The following CALN1 variants were observed in gnomAD, a reference collection of about 807,000 sequenced individuals.
The protein encoded by CALN1 is calneuron 1.
CALN1 carries 17 observed loss-of-function variants against 30.6 expected under a neutral mutation model. The ratio of observed to expected loss-of-function variants is 0.56; its 90% CI spans 0.38 to 0.83. CALN1 has a LOEUF of 0.83. Ranked by LOEUF, CALN1 falls within the 40% of genes least tolerant of loss-of-function variation. The pLI is 0.00. For synonymous variants in CALN1, 156 were observed against 131.4 expected (o/e 1.19, Z -1.28); for missense variants, 291 against 354.9 (o/e 0.82, Z 1.45).
chr7:72,237,192 C>G (rs1794528904), intron 3 of CALN1, among the ~76,000 whole-genome samples: 1 of 152,084 alleles, frequency 6.6e-6, no homozygotes, highest in South Asian at 2.1e-4. Context: ...CCAAGTTAGC[C>G]AGGCTGGTCT....
intron 3 of CALN1, among the ~76,000 whole-genome samples, chr7:72,153,877 T>C (rs1162627042): frequency 6.6e-6 from 1 of 152,040 alleles, no homozygotes; most frequent in Non-Finnish European, 1.5e-5. Context: ...AACCTGGGCT[T>C]TGGTGGTTAG....
At chr7:72,199,827 C>T (rs1212208686) in intron 3 of CALN1, among the ~76,000 whole-genome samples, 1 of 151,914 alleles carries the variant, frequency 6.6e-6, no homozygotes, top group East Asian at 1.9e-4. Flanking sequence ...GAGACAGAGT[C>T]CCAACAAACA....
At chr7:72,331,791 T>C (rs1051000293) in intron 2 of CALN1, among the ~76,000 whole-genome samples, 2 of 152,134 alleles carry the variant, frequency 1.3e-5, no homozygotes, top group Non-Finnish European at 2.9e-5. Flanking sequence ...GCACAGACCA[T>C]CCCATCACCC....
intron 3 of CALN1, among the ~76,000 whole-genome samples, chr7:72,177,001 T>C (rs1344747429): frequency 1.3e-5 from 2 of 152,128 alleles, no homozygotes; most frequent in African/African-American, 4.8e-5. Flanking sequence ...CCTATTGTAA[T>C]TTCTGGTGTG....
At chr7:72,415,669 G>C (rs1049976813), upstream of CALN1, among the ~76,000 whole-genome samples, 3 of 152,248 alleles carry the variant, frequency 2.0e-5, no homozygotes, top group Admixed American at 6.5e-5. Flanking sequence ...AACCAGGCCT[G>C]TGAGCCACCA....
intron 5 of CALN1, among the ~76,000 whole-genome samples, chr7:72,015,593 C>T (rs1327007970): frequency 6.6e-6 from 1 of 152,182 alleles, no homozygotes; most frequent in Non-Finnish European, 1.5e-5. Flanking sequence ...GCATGTGCCA[C>T]CACGCCAGGC....
At chr7:71,821,263 G>A (rs1010507746) in intron 5 of CALN1, among the ~76,000 whole-genome samples, 3 of 152,118 alleles carry the variant, frequency 2.0e-5, no homozygotes, top group South Asian at 2.1e-4. Flanking sequence ...GGTGGCCCTC[G>A]TTACTGAATG....
At chr7:71,963,941 T>C (rs1011361563) in intron 5 of CALN1, among the ~76,000 whole-genome samples, 1 of 152,196 alleles carries the variant, frequency 6.6e-6, no homozygotes, top group Admixed American at 6.5e-5. Flanking sequence ...ATTCATATTC[T>C]TATCCCCTCT....
intron 2 of CALN1, among the ~76,000 whole-genome samples, chr7:72,401,691 C>A (rs1183135942): frequency 6.6e-6 from 1 of 152,130 alleles, no homozygotes; most frequent in Admixed American, 6.5e-5. Context: ...CAAAAAATTC[C>A]AAATTCCCAA....
chr7:72,153,855 CTGGTCCTGGCTAACCTGGGCTTTGG>C (rs1563103684), intron 3 of CALN1, among the ~76,000 whole-genome samples: 1 of 152,140 alleles, frequency 6.6e-6, no homozygotes, highest in Non-Finnish European at 1.5e-5. Flanking sequence ...AGCCTGGGAG[CTGGTCCTGGCTAACCTGGGCTTTGG>C]TGGTTAGAAT....
intron 2 of CALN1, among the ~76,000 whole-genome samples, chr7:72,377,148 C>A (rs535180315): frequency 3.5e-4 from 53 of 152,210 alleles, no homozygotes; most frequent in African/African-American, 1.2e-3. Flanking sequence ...TCTCCTTTTT[C>A]AGATTGTCTA....
intron 3 of CALN1, among the ~76,000 whole-genome samples, chr7:72,223,938 G>A (rs1287454057): frequency 6.6e-6 from 1 of 152,156 alleles, no homozygotes; most frequent in African/African-American, 2.4e-5. Context: ...TATACATGGA[G>A]CTCAAGTATT....
chr7:72,381,487 C>G (rs1189847905), intron 2 of CALN1, among the ~76,000 whole-genome samples: 1 of 152,086 alleles, frequency 6.6e-6, no homozygotes, highest in African/African-American at 2.4e-5. Flanking sequence ...ACATATATAC[C>G]ACGAATACTA....
At chr7:72,371,205 G>C (rs765810756) in intron 2 of CALN1, among the ~76,000 whole-genome samples, 2 of 152,102 alleles carry the variant, frequency 1.3e-5, no homozygotes, top group African/African-American at 4.8e-5. Flanking sequence ...GAATTTTTAT[G>C]ATATCATGCT....
chr7:72,168,233 C>CAAAAAAAAA (rs61366296), intron 3 of CALN1, among the ~76,000 whole-genome samples: 1 of 140,702 alleles, frequency 7.1e-6, no homozygotes, highest in African/African-American at 2.6e-5. Flanking sequence ...TGCAAACAAG[C>CAAAAAAAAA]AAAAAAAAAA....
intron 3 of CALN1, among the ~76,000 whole-genome samples, chr7:72,110,264 G>A (rs1204821014): frequency 6.6e-6 from 1 of 152,194 alleles, no homozygotes; most frequent in Non-Finnish European, 1.5e-5. Context: ...TGAGAACATG[G>A]CCTGGAAATG....
intron 2 of CALN1, among the ~76,000 whole-genome samples, chr7:72,295,884 G>A (rs1798820390): frequency 6.6e-6 from 1 of 151,748 alleles, no homozygotes; most frequent in African/African-American, 2.4e-5. Context: ...GCCCTGGCCA[G>A]AACTTCCAAC....
chr7:72,343,892 G>A (rs1297313144), intron 2 of CALN1, among the ~76,000 whole-genome samples: 5 of 152,194 alleles, frequency 3.3e-5, no homozygotes, highest in African/African-American at 1.2e-4. Flanking sequence ...ACTCAAGGAT[G>A]GGGCTGTAAT....
intron 3 of CALN1, among the ~76,000 whole-genome samples, chr7:72,161,015 G>A (rs775558559): frequency 6.6e-6 from 1 of 152,206 alleles, no homozygotes; most frequent in Non-Finnish European, 1.5e-5. Flanking sequence ...GAAGCTGGCA[G>A]GGAGCTTCTG....
Sources: allele counts gnomAD v4.1 joint callset (sites outside exome capture counted in the v4.1 genomes callset), GRCh38; gene constraint gnomAD v4.1.1; transcripts MANE v1.5; gene names NCBI Gene and HGNC (gene_info 2026-07-23, HGNC 2026-07-21).